RSPO2: variants seen among roughly 807,000 people sequenced by gnomAD.
RSPO2 encodes R-spondin-2.
In RSPO2, 14 loss-of-function variants were observed where a neutral mutation model predicts 30.9. The observed-to-expected ratio is 0.45, with a 90% confidence interval of 0.30 to 0.71. The LOEUF is 0.71. RSPO2 is among the 30% of genes least tolerant of loss of function. The pLI is 0.08. For missense variants in RSPO2, 264 were observed against 301.9 expected (o/e 0.87, Z 0.93); for synonymous variants, 107 against 96.4 (o/e 1.11, Z -0.64).
At chr8:107,911,180 A>G (rs541592669) in intron 5 of RSPO2, among the ~76,000 whole-genome samples, 1 of 152,174 alleles carries the variant, frequency 6.6e-6, no homozygotes, top group Admixed American at 6.5e-5. Flanking sequence ...TCCCTGATAA[A>G]CCCTGTGACT....
intron 2 of RSPO2, among the ~76,000 whole-genome samples, chr8:108,029,054 CTTTTTTTTTTTTT>C (rs71308771): frequency 0.015 from 378 of 26,068 alleles, no homozygotes; most frequent in Non-Finnish European, 0.033. Flanking sequence ...TAACATGAGT[CTTTTTTTTTTTTT>C]TTTTTTTTTT....
At chr8:107,986,299 G>T (rs916463293) in intron 3 of RSPO2, among the ~76,000 whole-genome samples, 2 of 152,132 alleles carry the variant, frequency 1.3e-5, no homozygotes. Flanking sequence ...CTCTAATGGG[G>T]TCTTGTTAAT....
chr8:107,949,063 C>T (rs1476708744), intron 5 of RSPO2, among the ~76,000 whole-genome samples: 1 of 149,564 alleles, frequency 6.7e-6, no homozygotes, highest in African/African-American at 2.5e-5. Flanking sequence ...TTTTTGGTTA[C>T]ATGAAATAAG....
chr8:108,065,812 C>A (rs562314980), intron 2 of RSPO2, among the ~76,000 whole-genome samples: 7 of 152,052 alleles, frequency 4.6e-5, no homozygotes, highest in African/African-American at 1.7e-4. Flanking sequence ...CCAAGGTGGG[C>A]GGATCACCTG....
At chr8:107,941,658 G>A (rs1812901099) in intron 5 of RSPO2, among the ~76,000 whole-genome samples, 1 of 152,204 alleles carries the variant, frequency 6.6e-6, no homozygotes, top group African/African-American at 2.4e-5. Flanking sequence ...TCTAATCAGT[G>A]AGAGTCAGCA....
intron 5 of RSPO2, among the ~76,000 whole-genome samples, chr8:107,943,232 GACAC>G (rs1216461574): frequency 6.8e-6 from 1 of 148,016 alleles, no homozygotes; most frequent in African/African-American, 2.7e-5. Flanking sequence ...CGCACACACA[GACAC>G]ACACACAATA....
At chr8:108,076,726 G>A (rs1323265327) in intron 2 of RSPO2, among the ~76,000 whole-genome samples, 2 of 152,022 alleles carry the variant, frequency 1.3e-5, no homozygotes, top group African/African-American at 2.4e-5. Flanking sequence ...CAGTAATTGG[G>A]AGATCTGAGT....
At position 107,944,613 on chromosome 8, in the gene RSPO2, T is replaced by C. The variant is rs544942300; in HGVS notation, c.616+13467A>G. ...ACATCTGAGCAATTCTCAGGGATTA[T>C]TATGGGTTGAAAGACAAAGAAGCCA... is the stretch of plus-strand genomic sequence containing the variant. On this transcript the variant is annotated intron_variant, in intron 5 of 5. Transcript: ENST00000276659. Among the ~76,000 whole-genome samples the C allele has an allele frequency of 6.6e-5, 10 of 152,304 alleles. No individual in the cohort carries two copies. The East Asian group carries it at 1.9e-3, about 29-fold the overall frequency.
At chr8:108,082,274 G>A (rs1050232018) in intron 2 of RSPO2, among the ~76,000 whole-genome samples, 1 of 152,206 alleles carries the variant, frequency 6.6e-6, no homozygotes, top group Non-Finnish European at 1.5e-5. Context: ...ACATGAGTGC[G>A]GACCGCACGA....
chr8:108,077,443 G>A (rs1813048502), intron 2 of RSPO2, among the ~76,000 whole-genome samples: 1 of 152,062 alleles, frequency 6.6e-6, no homozygotes, highest in Admixed American at 6.5e-5. Flanking sequence ...TTTGGAAAGA[G>A]TAAAAACACT....
chr8:108,035,913 A>C (rs1016844280), intron 2 of RSPO2, among the ~76,000 whole-genome samples: 1 of 152,186 alleles, frequency 6.6e-6, no homozygotes. Flanking sequence ...CACCAAGTCT[A>C]TCTATATGCT....
chr8:108,019,544 C>G (rs958244217), intron 2 of RSPO2, among the ~76,000 whole-genome samples: 1 of 152,054 alleles, frequency 6.6e-6, no homozygotes, highest in Non-Finnish European at 1.5e-5. Flanking sequence ...CGGTCTGAGC[C>G]AATTCTCAGT....
chr8:107,989,255 AAAAC>A lies in RSPO2; in HGVS notation c.95-15_95-12del, dbSNP rs1563552814. The A allele has an allele frequency of 6.5e-7, 1 of 1,536,188 alleles. No individual in the cohort carries two copies. Among genetic ancestry groups the A allele is most frequent in the Non-Finnish European group, 8.7e-7 (1 of 1,147,128 alleles). On this transcript the variant is annotated splice_polypyrimidine_tract_variant and intron_variant, in intron 2 of 5. Transcript: ENST00000276659. ...TTGATACATAACTAGCTGTAAAAGA[AAAAC>A]AAAAATTGTGTTTAATTATCAGTAT...
At chr8:107,929,660 G>C (rs182491156) in intron 5 of RSPO2, among the ~76,000 whole-genome samples, 9 of 152,046 alleles carry the variant, frequency 5.9e-5, no homozygotes, top group Admixed American at 4.6e-4. Flanking sequence ...ATTGCTGAAG[G>C]ATACTTTAAA....
At chr8:108,078,541 C>T (rs181896454) in intron 2 of RSPO2, among the ~76,000 whole-genome samples, 9 of 152,054 alleles carry the variant, frequency 5.9e-5, no homozygotes, top group South Asian at 2.1e-4. Flanking sequence ...AAAAAAAATT[C>T]GAATCTTTTC....
At chr8:108,063,569 A>G (rs1812549645) in intron 2 of RSPO2, among the ~76,000 whole-genome samples, 2 of 151,826 alleles carry the variant, frequency 1.3e-5, no homozygotes, top group Admixed American at 1.3e-4. Context: ...ATGCTCATGG[A>G]CAGGAAGAAT....
intron 2 of RSPO2, among the ~76,000 whole-genome samples, chr8:108,059,231 CA>C (rs933125599): frequency 1.4e-4 from 20 of 147,990 alleles, no homozygotes; most frequent in South Asian, 2.1e-4. Flanking sequence ...TTTATGCAGC[CA>C]AAAAAAAACA....
rs576183777 is a variant in RSPO2, at chr8:107,954,942, T to C, written c.616+3138A>G. Among the ~76,000 whole-genome samples, 10 of 152,284 alleles carry C rather than the reference T, an allele frequency of 6.6e-5. No homozygotes were observed. In the East Asian group the frequency reaches 1.5e-3, roughly 24 times the overall value. ...TTCCATGGTCTTTTATGCACCCTTTTCTCTTCTGTCATTCGCCATAAATCA... is the reference window on the plus strand; with the variant it reads ...TTCCATGGTCTTTTATGCACCCTTTCCTCTTCTGTCATTCGCCATAAATCA... On this transcript the variant is annotated intron_variant, in intron 5 of 5. Coordinates refer to ENST00000276659, the MANE Select transcript of RSPO2 (RefSeq NM_178565.5).
At chr8:107,907,040 AATTT>A (rs3068912) in intron 5 of RSPO2, among the ~76,000 whole-genome samples, 19,786 of 151,912 alleles carry the variant, frequency 0.13, 1,501 homozygotes, top group Middle Eastern at 0.31. Flanking sequence ...TAAATTTAAA[AATTT>A]ATTAAAAATA....
Sources: allele counts gnomAD v4.1 joint callset (sites outside exome capture counted in the v4.1 genomes callset), GRCh38; gene constraint gnomAD v4.1.1; transcripts MANE v1.5; gene names NCBI Gene and HGNC (gene_info 2026-07-23, HGNC 2026-07-21).